The following PCDH10 variants were observed in gnomAD, a reference collection of about 807,000 sequenced individuals.
PCDH10 encodes the protein protocadherin-10.
A neutral mutation model predicts 74.4 loss-of-function variants in PCDH10; 15 were observed. The ratio of observed to expected loss-of-function variants is 0.20; its 90% CI spans 0.13 to 0.31. The LOEUF is 0.31. Ranked by LOEUF, PCDH10 falls within the 10% of genes least tolerant of loss-of-function variation. The pLI is 1.00. For missense variants in PCDH10, 1,260 were observed against 1,390.2 expected (o/e 0.91, Z 1.49); for synonymous variants, 619 against 589.8 (o/e 1.05, Z -0.72).
At chr4:133,190,093 C>G (rs1560715759) in intron 4 of PCDH10, 48 bp from the exon 5 acceptor site, 1 of 1,525,996 alleles carries the variant, frequency 6.6e-7, no homozygotes, top group African/African-American at 1.4e-5. Flanking sequence ...TTCTAAACTC[C>G]AAAAGTCAAC....
At chr4:133,183,093 A>G (rs985547007) in intron 4 of PCDH10, among the ~76,000 whole-genome samples, 1 of 152,108 alleles carries the variant, frequency 6.6e-6, no homozygotes, top group Non-Finnish European at 1.5e-5. Context: ...AAATAATAAT[A>G]TTCAAATGTT....
chr4:133,170,056 G>A (rs1727171377), intron 4 of PCDH10, among the ~76,000 whole-genome samples: 1 of 152,002 alleles, frequency 6.6e-6, no homozygotes, highest in African/African-American at 2.4e-5. Context: ...TCACCGTAAA[G>A]CTTGACCTAC....
chr4:133,183,928 C>G (rs1297407967), intron 4 of PCDH10, among the ~76,000 whole-genome samples: 1 of 152,124 alleles, frequency 6.6e-6, no homozygotes, highest in Admixed American at 6.6e-5. Flanking sequence ...ATGTATATTT[C>G]TGTTTCACAA....
At chr4:133,174,651 A>G (rs1463010456) in intron 4 of PCDH10, among the ~76,000 whole-genome samples, 1 of 151,206 alleles carries the variant, frequency 6.6e-6, no homozygotes, top group African/African-American at 2.4e-5. Context: ...AATATACGTA[A>G]TTTTATATAG....
chr4:133,204,649 A>G (rs1181260519), intron 2 of PCDH10, among the ~76,000 whole-genome samples: 1 of 152,216 alleles, frequency 6.6e-6, no homozygotes, highest in African/African-American at 2.4e-5. Flanking sequence ...TCCCAGTATC[A>G]TGAAACCACT....
chr4:133,152,481 A>G lies in PCDH10; in HGVS notation c.2341A>G (p.Lys781Glu), dbSNP rs773039592. The change falls in exon 1 of 5, where the codon AAA (lysine) becomes GAA (glutamate). Residue 781 changes from lysine to glutamate, a missense_variant. Physicochemically the swap from Lys to Glu is moderately conservative, Grantham distance 56. Transcript: ENST00000264360. ...CGRQARARKK[K>E]LSKSDIMLVQ... is the part of the protein sequence containing the mutation. The stretch of plus-strand genomic sequence containing the variant: ...CCGCCAAGCCCGGGCGCGCAAGAAG[A>G]AACTCAGCAAGTCAGACATCATGCT... 6.2e-7 allele frequency: 1 copy of G among 1,614,162 alleles called. No individual in the cohort carries two copies. Among genetic ancestry groups the G allele is most frequent in the Non-Finnish European group, 8.5e-7 (1 of 1,180,014 alleles).
chr4:133,176,560 A>C (rs1727300594), intron 4 of PCDH10, among the ~76,000 whole-genome samples: 2 of 152,174 alleles, frequency 1.3e-5, no homozygotes, highest in African/African-American at 4.8e-5. Flanking sequence ...CTCCCAGAGA[A>C]AAATCAGACT....
downstream of PCDH10, among the ~76,000 whole-genome samples, chr4:133,198,727 C>T (rs1173843396): frequency 6.6e-6 from 1 of 152,102 alleles, no homozygotes; most frequent in East Asian, 1.9e-4. Flanking sequence ...TTTTATCAAG[C>T]TATATGATAA....
chr4:133,158,608 A>G (rs560025934), intron 3 of PCDH10, among the ~76,000 whole-genome samples: 76 of 152,258 alleles, frequency 5.0e-4, no homozygotes, highest in African/African-American at 1.8e-3. Context: ...TTGGTCAATA[A>G]TTTCAAATTA....
Position 133,190,203 on chromosome 4 carries a change from A to G in PCDH10, c.*43A>G, listed in dbSNP as rs1237642019. On this transcript the variant is annotated 3_prime_UTR_variant, in exon 5 of 5. Coordinates refer to ENST00000264360, the MANE Select transcript of PCDH10 (RefSeq NM_032961.3). ...ACCTGAAGCAGCATGATTTGCACAA[A>G]GTCGACCAACAAAAGCATCAACTTT... 9 of 1,580,466 alleles carry G rather than the reference A, an allele frequency of 5.7e-6. No individual in the cohort carries two copies. Among genetic ancestry groups the G allele is most frequent in the Non-Finnish European group, 7.0e-6 (8 of 1,149,540 alleles).
intron 3 of PCDH10, among the ~76,000 whole-genome samples, chr4:133,159,209 C>T (rs1046527705): frequency 2.0e-5 from 3 of 151,784 alleles, no homozygotes; most frequent in Admixed American, 6.6e-5. Context: ...TGACAGTCAC[C>T]GAAAAAGTAG....
chr4:133,171,408 A>G (rs575566349), intron 4 of PCDH10, among the ~76,000 whole-genome samples: 1 of 152,180 alleles, frequency 6.6e-6, no homozygotes, highest in South Asian at 2.1e-4. Flanking sequence ...ACACATAACT[A>G]AAATCAATAT....
At chr4:133,154,253 G>T in intron 1 of PCDH10, 54 bp from the exon 2 acceptor site, 15 of 1,087,080 alleles carry the variant, frequency 1.4e-5, no homozygotes, top group Non-Finnish European at 2.1e-5. Flanking sequence ...AAAGTAGACT[G>T]CTAGTTCAAC....
At chr4:133,185,629 G>A (rs1379731241) in intron 4 of PCDH10, among the ~76,000 whole-genome samples, 2 of 152,098 alleles carry the variant, frequency 1.3e-5, no homozygotes, top group African/African-American at 2.4e-5. Context: ...GTAAAGAAGT[G>A]TCCTGATGAT....
chr4:133,184,799 T>A (rs973803388), intron 4 of PCDH10, among the ~76,000 whole-genome samples: 6 of 141,324 alleles, frequency 4.2e-5, no homozygotes, highest in African/African-American at 7.7e-5. Flanking sequence ...TATATATTTA[T>A]ATATATATAT....
rs1378479128 is a variant in PCDH10, at chr4:133,192,379, C to T, written c.*2219C>T. ...TCACTCTGCTTTAATTAAAATGTTT[C>T]ACGCATCATTTTGCAATCATGGGTG... On this transcript the variant is annotated 3_prime_UTR_variant, in exon 5 of 5. Transcript: ENST00000264360. The T allele has an allele frequency of 6.6e-6, 1 of 151,482 alleles. No individual in the cohort carries two copies. The highest frequency in any genetic ancestry group is 1.5e-5 in the Non-Finnish European group (1 of 67,578). 9.4% of individuals were successfully genotyped at this position (151,482 alleles called of 1,614,324 possible). A position where few individuals can be genotyped will look rare whatever the true frequency, so the allele number is the denominator to read the frequency against.
At chr4:133,181,674 T>C (rs545289249) in intron 4 of PCDH10, among the ~76,000 whole-genome samples, 1 of 152,190 alleles carries the variant, frequency 6.6e-6, no homozygotes, top group South Asian at 2.1e-4. Flanking sequence ...CTCTTCTCTG[T>C]GGCCAGTTTT....
intron 4 of PCDH10, among the ~76,000 whole-genome samples, chr4:133,180,310 A>T (rs1005897335): frequency 1.3e-5 from 2 of 152,048 alleles, no homozygotes; most frequent in Admixed American, 6.6e-5. Context: ...TATGAACAGG[A>T]GGTTGTTGAT....
downstream of PCDH10, among the ~76,000 whole-genome samples, chr4:133,195,832 T>G (rs542282461): frequency 6.6e-6 from 1 of 152,236 alleles, no homozygotes; most frequent in Admixed American, 6.5e-5. Context: ...TTCAGATATA[T>G]ATACATATAT....
Sources: gnomAD v4.1 joint callset for allele counts (sites outside exome capture counted in the v4.1 genomes callset) on GRCh38, gnomAD v4.1.1 for gene constraint, MANE v1.5 for transcripts, NCBI Gene and HGNC (gene_info 2026-07-23, HGNC 2026-07-21) for gene names.